GPR63: variants seen among roughly 807,000 people sequenced by gnomAD.
The protein encoded by GPR63 is probable G protein-coupled receptor 63.
In GPR63, 12 loss-of-function variants were observed where a neutral mutation model predicts 23.1. That is an observed-to-expected ratio of 0.52 (90% CI 0.33 to 0.84). The LOEUF (loss-of-function observed/expected upper bound fraction) is 0.84. Among genes scored for constraint, GPR63 ranks in the 40% least tolerant of loss-of-function variants. The probability of loss-of-function intolerance (pLI) is 0.02; values close to 1 mark genes in which losing one functional copy is unlikely to be tolerated. For synonymous variants in GPR63, 172 were observed against 191.1 expected (o/e 0.90, Z 0.82); for missense variants, 472 against 515.6 (o/e 0.92, Z 0.82).
intron 1 of GPR63, among the ~76,000 whole-genome samples, chr6:96,806,642 A>G (rs996602267): frequency 1.3e-5 from 2 of 152,070 alleles, no homozygotes; most frequent in African/African-American, 4.8e-5. Context: ...CTCCACATAA[A>G]CTTGGTGTTG....
At chr6:96,832,888 T>C (rs933269372) in intron 1 of GPR63, among the ~76,000 whole-genome samples, 1 of 151,852 alleles carries the variant, frequency 6.6e-6, no homozygotes, top group African/African-American at 2.4e-5. Flanking sequence ...AACCTGTAAG[T>C]GGGTGCAAAT....
intron 1 of GPR63, among the ~76,000 whole-genome samples, chr6:96,809,491 G>A (rs1024037113): frequency 2.0e-5 from 3 of 152,002 alleles, no homozygotes; most frequent in African/African-American, 7.3e-5. Flanking sequence ...ATATATGCAT[G>A]TATCTATATC....
chr6:96,837,033 G>T (rs1403951308), intron 1 of GPR63, among the ~76,000 whole-genome samples: 1 of 152,124 alleles, frequency 6.6e-6, no homozygotes, highest in Non-Finnish European at 1.5e-5. Context: ...CCGAGTCCCC[G>T]CCGGGTCCCC....
At position 96,795,174 on chromosome 6, in the gene GPR63, T is replaced by A. The variant is rs1395011586; in HGVS notation, c.*3298A>T. On this transcript the variant is annotated 3_prime_UTR_variant, in exon 2 of 2. Coordinates refer to ENST00000229955, the MANE Select transcript of GPR63 (RefSeq NM_030784.4). ...TACTGTTAACAAGCTCCCTTGGGGATGCTTAAACATGTATTAAAGTTTAAA... is the reference window on the plus strand; with the variant it reads ...TACTGTTAACAAGCTCCCTTGGGGAAGCTTAAACATGTATTAAAGTTTAAA... 4 of 152,224 alleles carry A rather than the reference T, an allele frequency of 2.6e-5. 1 individual carries two copies. Among genetic ancestry groups the A allele is most frequent in the African/African-American group, 9.6e-5 (4 of 41,466 alleles). The allele number at this position is 152,224 out of a possible 1,614,324, so 9.4% of individuals were successfully genotyped here. A position where few individuals can be genotyped will look rare whatever the true frequency, so the allele number is the denominator to read the frequency against.
At chr6:96,824,650 GAAAAA>G in intron 1 of GPR63, among the ~76,000 whole-genome samples, 1 of 142,058 alleles carries the variant, frequency 7.0e-6, no homozygotes, top group Admixed American at 7.0e-5. Context: ...TTAAAAAAAT[GAAAAA>G]AAAAAAAAAT....
In GPR63 at chr6:96,794,649, A is replaced by G. The variant is rs933737479; in HGVS notation, c.*3823T>C. ...ATTTTTATTTTACTTCAATGCTTGC[A>G]TTGAACACAACTGGCAGAGCAATAG... On this transcript the variant is annotated 3_prime_UTR_variant, in exon 2 of 2. Transcript: ENST00000229955. 1 of 152,236 alleles carries G rather than the reference A, an allele frequency of 6.6e-6. No individual in the cohort carries two copies. The highest frequency in any genetic ancestry group is 1.5e-5 in the Non-Finnish European group (1 of 68,036). 9.4% of individuals were successfully genotyped at this position (152,236 alleles called of 1,614,324 possible).
chr6:96,804,821 TC>T (rs1467669746), intron 1 of GPR63, among the ~76,000 whole-genome samples: 4 of 152,194 alleles, frequency 2.6e-5, no homozygotes, highest in Non-Finnish European at 4.4e-5. Flanking sequence ...ACTATCAAAA[TC>T]TTTATTTGAA....
rs1031857083 is a variant in GPR63, at chr6:96,795,677, T to G, written c.*2795A>C. On this transcript the variant is annotated 3_prime_UTR_variant, in exon 2 of 2. Transcript: ENST00000229955. ...AAGCAGCATGAAAGTACCTAAAGAC[T>G]GCCCATAAAACAGGAACAAAGAAAA... 6.6e-6 allele frequency: 1 copy of G among 152,110 alleles called. No homozygotes were observed. The highest frequency in any genetic ancestry group is 1.5e-5 in the Non-Finnish European group (1 of 68,040). The allele number at this position is 152,110 out of a possible 1,614,324, so 9.4% of individuals were successfully genotyped here. A position where few individuals can be genotyped will look rare whatever the true frequency, so the allele number is the denominator to read the frequency against.
intron 1 of GPR63, among the ~76,000 whole-genome samples, chr6:96,829,097 TGAA>T (rs1242971781): frequency 1.3e-5 from 2 of 152,314 alleles, no homozygotes; most frequent in South Asian, 2.1e-4. Flanking sequence ...GATAAAAACA[TGAA>T]GAAGGATAAA....
At chr6:96,804,898 G>A (rs1404461027) in intron 1 of GPR63, among the ~76,000 whole-genome samples, 1 of 152,124 alleles carries the variant, frequency 6.6e-6, no homozygotes, top group Non-Finnish European at 1.5e-5. Flanking sequence ...TAAGCCAACA[G>A]TAGAATATTT....
intron 1 of GPR63, among the ~76,000 whole-genome samples, chr6:96,822,517 C>T (rs928623945): frequency 2.0e-5 from 3 of 152,194 alleles, no homozygotes; most frequent in African/African-American, 7.2e-5. Context: ...AAATTACCTT[C>T]ACTTGCCATC....
intron 1 of GPR63, among the ~76,000 whole-genome samples, chr6:96,818,879 CAAA>C (rs1774228404): frequency 7.0e-6 from 1 of 141,928 alleles, no homozygotes; most frequent in Non-Finnish European, 1.6e-5. Flanking sequence ...AGACAATTGT[CAAA>C]AGAAGACATT....
At chr6:96,822,280 T>C (rs529335559) in intron 1 of GPR63, among the ~76,000 whole-genome samples, 1 of 152,268 alleles carries the variant, frequency 6.6e-6, no homozygotes, top group East Asian at 1.9e-4. Flanking sequence ...AAGAGCAATG[T>C]TGACTCATCC....
At chr6:96,825,867 T>C (rs1455680217) in intron 1 of GPR63, among the ~76,000 whole-genome samples, 1 of 151,948 alleles carries the variant, frequency 6.6e-6, no homozygotes, top group Non-Finnish European at 1.5e-5. Flanking sequence ...CAACTGAGTA[T>C]TGAGAGATAT....
chr6:96,802,660 C>T (rs62413027), intron 1 of GPR63, among the ~76,000 whole-genome samples: 46,859 of 150,620 alleles, frequency 0.31, 7,562 homozygotes, highest in African/African-American at 0.38. Context: ...CTGCCTCAGC[C>T]TCACGAGTAT....
intron 1 of GPR63, among the ~76,000 whole-genome samples, chr6:96,831,854 C>T (rs1249887014): frequency 2.0e-5 from 3 of 151,578 alleles, no homozygotes; most frequent in East Asian, 3.9e-4. Context: ...TGCTGTGAGC[C>T]GAGATCGCGC....
Position 96,837,256 on chromosome 6 carries a change from G to GCCTCACCTCA in GPR63, c.-151+2_-151+11dup. Reference sequence around the variant, plus strand: ...GGGGATCGCGGGCCGGGGATCCCGAGCCTCACCTCACCTCAAGCGAAGGGC... The same window carrying GCCTCACCTCA: ...GGGGATCGCGGGCCGGGGATCCCGAGCCTCACCTCACCTCACCTCACCTCAAGCGAAGGGC... On this transcript the variant is annotated intron_variant, in intron 1 of 1. Coordinates refer to ENST00000229955, the MANE Select transcript of GPR63 (RefSeq NM_030784.4). 1 of 152,492 alleles carries GCCTCACCTCA rather than the reference G, an allele frequency of 6.6e-6. No individual in the cohort carries two copies. Among genetic ancestry groups the GCCTCACCTCA allele is most frequent in the African/African-American group, 2.4e-5 (1 of 41,454 alleles). 9.4% of individuals were successfully genotyped at this position (152,492 alleles called of 1,614,324 possible). A position where few individuals can be genotyped will look rare whatever the true frequency, so the allele number is the denominator to read the frequency against.
chr6:96,804,177 T>G (rs1242584143), intron 1 of GPR63, among the ~76,000 whole-genome samples: 1 of 152,160 alleles, frequency 6.6e-6, no homozygotes, highest in Non-Finnish European at 1.5e-5. Flanking sequence ...GCTAGAATGG[T>G]CAGTAGCGGT....
Position 96,822,039 on chromosome 6 carries a change from T to TAC in GPR63, c.-151+15227_-151+15228dup, listed in dbSNP as rs541667675. On this transcript the variant is annotated intron_variant, in intron 1 of 1. Transcript: ENST00000229955. Reference sequence around the variant, plus strand: ...TGATTGTATATACAACAGTCAACCATACACACACACACTTAAAAAAAAAAA... The same window carrying TAC: ...TGATTGTATATACAACAGTCAACCATACACACACACACACTTAAAAAAAAAAA... 1.2e-3 allele frequency among the ~76,000 whole-genome samples: 189 copies of TAC among 151,650 alleles called. 1 individual carries two copies. Among genetic ancestry groups the TAC allele is most frequent in the African/African-American group, 4.4e-3 (182 of 41,340 alleles).
Sources: allele counts gnomAD v4.1 joint callset (sites outside exome capture counted in the v4.1 genomes callset), GRCh38; gene constraint gnomAD v4.1.1; transcripts MANE v1.5; gene names NCBI Gene and HGNC (gene_info 2026-07-23, HGNC 2026-07-21).